The following ZRANB2 variants were observed in gnomAD, a reference collection of about 807,000 sequenced individuals.
The protein encoded by ZRANB2 is zinc finger RANBP2-type containing 2.
Under a neutral mutation model 53.4 loss-of-function variants are expected in ZRANB2, and 19 were observed. That is an observed-to-expected ratio of 0.36 (90% CI 0.25 to 0.52). The LOEUF (loss-of-function observed/expected upper bound fraction) is 0.52, where lower values mean the gene tolerates loss of function less well. ZRANB2 is among the 20% of genes least tolerant of loss of function. The pLI is 0.93. For synonymous variants in ZRANB2, 145 were observed against 134.8 expected, an observed-to-expected ratio of 1.08 and a Z score of -0.52; for missense variants, 309 against 401.1, an observed-to-expected ratio of 0.77 and a Z score of 1.96.
intron 6 of ZRANB2, among the ~76,000 whole-genome samples, chr1:71,071,227 T>C (rs963147509): frequency 6.6e-6 from 1 of 152,154 alleles, no homozygotes; most frequent in African/African-American, 2.4e-5. Context: ...ACTTTTTCTG[T>C]CACACTTATG....
intron 8 of ZRANB2, chr1:71,067,830 G>T: frequency 6.2e-6 from 2 of 323,956 alleles, no homozygotes; most frequent in South Asian, 2.5e-5. Flanking sequence ...CTTAAATATT[G>T]TTACTAAATA....
At chr1:71,072,713 A>T (rs1661620877) in intron 4 of ZRANB2, among the ~76,000 whole-genome samples, 165 bp from the exon 5 acceptor site, 1 of 152,142 alleles carries the variant, frequency 6.6e-6, no homozygotes, top group African/African-American at 2.4e-5. Flanking sequence ...CACCACAGAA[A>T]ATACAGAGAA....
At chr1:71,075,352 G>A (rs1404908546) in intron 4 of ZRANB2, among the ~76,000 whole-genome samples, 3 of 152,168 alleles carry the variant, frequency 2.0e-5, no homozygotes, top group African/African-American at 7.2e-5. Context: ...AATGTATGGT[G>A]AGTGGTACTA....
chr1:71,065,178 A>G, intron 9 of ZRANB2, 41 bp from the exon 10 acceptor site: 1 of 1,487,430 alleles, frequency 6.7e-7, no homozygotes, highest in Non-Finnish European at 9.3e-7. Flanking sequence ...CTAGTAAGCT[A>G]GAGCTAAATC....
chr1:71,079,714 G>A (rs1661793194), intron 1 of ZRANB2, among the ~76,000 whole-genome samples: 1 of 152,218 alleles, frequency 6.6e-6, no homozygotes, highest in Non-Finnish European at 1.5e-5. Context: ...TCCTACCTCT[G>A]GGTGTGCTGT....
chr1:71,080,168 T>C lies in ZRANB2; in HGVS notation c.56+772A>G, dbSNP rs578241339. 3.3e-5 allele frequency among the ~76,000 whole-genome samples: 5 copies of C among 152,322 alleles called. No individual in the cohort carries two copies. In the East Asian group the frequency reaches 9.7e-4, roughly 29 times the overall value. On this transcript the variant is annotated intron_variant, in intron 1 of 9. Coordinates refer to ENST00000370920, the MANE Select transcript of ZRANB2 (RefSeq NM_203350.3). ...AACATGAGTTGTACATTAAATTATT[T>C]TCCATGTTATTTCCGAATAGATACA...
chr1:71,080,661 G>A (rs930691459), intron 1 of ZRANB2, among the ~76,000 whole-genome samples: 153 of 135,948 alleles, frequency 1.1e-3, no homozygotes, highest in Admixed American at 1.9e-3. Flanking sequence ...GGGGAGGGGG[G>A]TGGGGGCAAA....
At chr1:71,080,231 A>G (rs1033761901) in intron 1 of ZRANB2, among the ~76,000 whole-genome samples, 4 of 125,382 alleles carry the variant, frequency 3.2e-5, no homozygotes, top group African/African-American at 1.0e-4. Flanking sequence ...CTGATTAACT[A>G]TCTAGTCGAG....
chr1:71,072,414 A>C, intron 5 of ZRANB2, 58 bp downstream of exon 5: 2 of 1,527,886 alleles, frequency 1.3e-6, no homozygotes, highest in Non-Finnish European at 1.8e-6. Context: ...CTTTGCATTT[A>C]AGAATTTTTT....
chr1:71,072,997 C>T (rs1278387466), intron 4 of ZRANB2, among the ~76,000 whole-genome samples: 2 of 152,048 alleles, frequency 1.3e-5, no homozygotes, highest in Admixed American at 1.3e-4. Context: ...ATGTAGCAGG[C>T]CTTATTAGAG....
intron 8 of ZRANB2, among the ~76,000 whole-genome samples, chr1:71,068,360 A>G (rs1372295129): frequency 2.0e-5 from 3 of 152,154 alleles, no homozygotes; most frequent in Non-Finnish European, 4.4e-5. Flanking sequence ...TATTTTTTAG[A>G]TGCCTTTAGG....
At chr1:71,071,522 G>T (rs1245729769) in intron 6 of ZRANB2, among the ~76,000 whole-genome samples, 1 of 151,978 alleles carries the variant, frequency 6.6e-6, no homozygotes, top group Non-Finnish European at 1.5e-5. Flanking sequence ...AGGCTCTAAG[G>T]TACCCTTAAC....
intron 1 of ZRANB2, among the ~76,000 whole-genome samples, chr1:71,079,774 CAGA>C (rs1661794369): frequency 6.6e-6 from 1 of 152,112 alleles, no homozygotes; most frequent in Non-Finnish European, 1.5e-5. Context: ...ACAACAAAGT[CAGA>C]AGTTGTTGTT....
intron 4 of ZRANB2, 25 bp downstream of exon 4, chr1:71,076,766 CATTT>C (rs757481248): frequency 9.8e-6 from 15 of 1,529,178 alleles, no homozygotes; most frequent in Admixed American, 5.3e-5. Flanking sequence ...TAAAAAAAAT[CATTT>C]AGTTACAATG....
Position 71,080,997 on chromosome 1 carries a change from T to C in ZRANB2, c.-2A>G. On this transcript the variant is annotated 5_prime_UTR_variant, in exon 1 of 10. Coordinates refer to ENST00000370920, the MANE Select transcript of ZRANB2 (RefSeq NM_203350.3). Reference sequence around the variant, plus strand: ...GACTCGGAAATTCTTGGTCGACATCTTGAACGCCACCAGCACAGCCACCCG... The same window carrying C: ...GACTCGGAAATTCTTGGTCGACATCCTGAACGCCACCAGCACAGCCACCCG... The C allele has an allele frequency of 1.9e-6, 3 of 1,614,136 alleles. No individual in the cohort carries two copies. Among genetic ancestry groups the C allele is most frequent in the African/African-American group, 2.7e-5 (2 of 75,032 alleles).
chr1:71,072,659 A>T (rs1258894613), intron 4 of ZRANB2, 111 bp from the exon 5 acceptor site: 8 of 728,424 alleles, frequency 1.1e-5, no homozygotes, highest in Non-Finnish European at 1.8e-5. Context: ...ATGGCTGCCT[A>T]CCCATCTAAT....
rs1168146393 is a variant in ZRANB2 at position 71,072,184 on chromosome 1, A to G, written c.450T>C (p.Asp150=). Residue 150 remains aspartate (D), a synonymous_variant, in exon 6 of 10, where the codon GAT becomes GAC. Transcript: ENST00000370920. ...CCTCTTCTTCTCCCTCTGATTCTTT[A>G]TCTTCAACTTCCTTTAATATAGATG... is the stretch of plus-strand genomic sequence containing the variant. ...GPASILKEVE[D]KESEGEEEDE... 12 of 1,612,328 alleles carry G rather than the reference A, an allele frequency of 7.4e-6. No individual in the cohort carries two copies. The highest frequency in any genetic ancestry group is 9.3e-6 in the Non-Finnish European group (11 of 1,179,214).
intron 9 of ZRANB2, 150 bp downstream of exon 9, chr1:71,066,608 TCAAAGTACAAAGGATAAG>T: frequency 1.9e-6 from 1 of 539,234 alleles, no homozygotes. Flanking sequence ...AACAACCTGA[TCAAAGTACAAAGGATAAG>T]CAAAGTAATG....
chr1:71,063,543 G>A lies in ZRANB2; in HGVS notation c.*1531C>T, dbSNP rs41287934. 1 of 152,382 alleles carries A rather than the reference G, an allele frequency of 6.6e-6. No homozygotes were observed. Among genetic ancestry groups the A allele is most frequent in the Non-Finnish European group, 1.5e-5 (1 of 67,878 alleles). The allele number at this position is 152,382 out of a possible 1,614,324, so 9.4% of individuals were successfully genotyped here. On this transcript the variant is annotated 3_prime_UTR_variant, in exon 10 of 10. Coordinates refer to ENST00000370920, the MANE Select transcript of ZRANB2 (RefSeq NM_203350.3). ...AAGAATAAACCAATGGTAACATGTAGAATCTAGATCGTCGGGGCAATTTAG... is the reference window on the plus strand; with the variant it reads ...AAGAATAAACCAATGGTAACATGTAAAATCTAGATCGTCGGGGCAATTTAG...
Sources: allele counts gnomAD v4.1 joint callset (sites outside exome capture counted in the v4.1 genomes callset), GRCh38; gene constraint gnomAD v4.1.1; transcripts MANE v1.5; gene names NCBI Gene and HGNC (gene_info 2026-07-23, HGNC 2026-07-21).